SRGAP3: variants seen among roughly 807,000 people sequenced by gnomAD.
SRGAP3 encodes the protein SLIT-ROBO Rho GTPase-activating protein 3.
A neutral mutation model predicts 121.1 loss-of-function variants in SRGAP3; 39 were observed. The observed-to-expected ratio is 0.32, with a 90% CI of 0.25 to 0.42. The LOEUF (loss-of-function observed/expected upper bound fraction) is 0.42, where lower values mean the gene tolerates loss of function less well. Ranked by LOEUF, SRGAP3 falls within the 10% of genes least tolerant of loss-of-function variation. The pLI, the probability that SRGAP3 is intolerant of heterozygous loss-of-function variation, is 1.00. For missense variants in SRGAP3, 1,213 were observed against 1,470.6 expected (o/e 0.82, Z 2.86); for synonymous variants, 601 against 570.0 (o/e 1.05, Z -0.77).
chr3:9,256,664 T>C, intron 3 of SRGAP3: 2 of 395,556 alleles, frequency 5.1e-6, no homozygotes, highest in Non-Finnish European at 8.9e-6. Flanking sequence ...CCACTCCCCA[T>C]CCCTCATCCA....
chr3:8,992,434 C>G (rs1208781547), intron 20 of SRGAP3, among the ~76,000 whole-genome samples: 1 of 152,168 alleles, frequency 6.6e-6, no homozygotes, highest in African/African-American at 2.4e-5. Context: ...TAATACTGCT[C>G]CCTCCAAATA....
chr3:9,230,351 C>G (rs546673669), intron 1 of SRGAP3, among the ~76,000 whole-genome samples: 25 of 152,330 alleles, frequency 1.6e-4, no homozygotes, highest in African/African-American at 3.4e-4. Flanking sequence ...AGCCTGCCTT[C>G]CTTGGTTTCC....
intron 1 of SRGAP3, among the ~76,000 whole-genome samples, chr3:9,152,345 G>T (rs961997693): frequency 5.9e-5 from 9 of 152,226 alleles, no homozygotes; most frequent in Non-Finnish European, 1.3e-4. Context: ...GTGGAGATGG[G>T]AGAGGGTGTC....
chr3:9,152,254 A>G (rs762156017), intron 1 of SRGAP3, among the ~76,000 whole-genome samples: 6 of 152,230 alleles, frequency 3.9e-5, no homozygotes, highest in Non-Finnish European at 7.3e-5. Flanking sequence ...AAGGGGAAGT[A>G]TGGGTAGCCA....
At chr3:9,349,307 GCT>G (rs1332117313) in intron 1 of SRGAP3, 8 of 420,614 alleles carry the variant, frequency 1.9e-5, no homozygotes, top group Non-Finnish European at 2.7e-5. Context: ...TTGAGCTGTA[GCT>G]GCAGATGGGC....
intron 1 of SRGAP3, among the ~76,000 whole-genome samples, chr3:9,214,986 G>C (rs978893944): frequency 2.0e-5 from 3 of 151,924 alleles, no homozygotes; most frequent in Admixed American, 1.3e-4. Flanking sequence ...GTATTCCTGG[G>C]AGGATAAAGT....
intron 2 of SRGAP3, among the ~76,000 whole-genome samples, chr3:9,114,430 C>A (rs1269043718): frequency 6.6e-6 from 1 of 152,130 alleles, no homozygotes; most frequent in Non-Finnish European, 1.5e-5. Context: ...TGGTTTTTCT[C>A]CTCCATTACT....
At chr3:9,164,776 CCTCTACT>C (rs1186124922) in intron 1 of SRGAP3, among the ~76,000 whole-genome samples, 6 of 152,212 alleles carry the variant, frequency 3.9e-5, no homozygotes, top group Non-Finnish European at 7.3e-5. Context: ...CTTCAGATAG[CCTCTACT>C]ACTGTCGGCG....
At chr3:9,277,323 G>A (rs1954603731) in intron 3 of SRGAP3, among the ~76,000 whole-genome samples, 1 of 152,088 alleles carries the variant, frequency 6.6e-6, no homozygotes. Context: ...TACCAGGCCG[G>A]GCATGGTGGC....
At chr3:9,060,961 G>A (rs998004723) in intron 5 of SRGAP3, among the ~76,000 whole-genome samples, 14 of 152,206 alleles carry the variant, frequency 9.2e-5, no homozygotes, top group African/African-American at 3.4e-4. Flanking sequence ...TCCCTGGCCA[G>A]GAGCGTTGGC....
chr3:9,074,423 T>A (rs1287195884), intron 4 of SRGAP3, among the ~76,000 whole-genome samples: 1 of 152,196 alleles, frequency 6.6e-6, no homozygotes, highest in Non-Finnish European at 1.5e-5. Context: ...GCCTTCAAGT[T>A]AGGTCCAGCT....
chr3:9,021,232 G>A (rs1166418729), intron 14 of SRGAP3, among the ~76,000 whole-genome samples: 4 of 152,334 alleles, frequency 2.6e-5, no homozygotes, highest in East Asian at 1.9e-4. Context: ...CAAACCCTGC[G>A]TAGATATGCA....
chr3:9,108,207 TA>T (rs59553171), intron 2 of SRGAP3, among the ~76,000 whole-genome samples: 1 of 152,170 alleles, frequency 6.6e-6, no homozygotes, highest in South Asian at 2.1e-4. Flanking sequence ...GGGGAGCTTT[TA>T]AAAAAACACC....
chr3:9,270,224 TTGA>T (rs1162868707), intron 3 of SRGAP3, among the ~76,000 whole-genome samples: 1 of 152,212 alleles, frequency 6.6e-6, no homozygotes, highest in East Asian at 1.9e-4. Flanking sequence ...TTGTGTAATA[TTGA>T]TAATAAAAGT....
chr3:9,129,274 C>T (rs1472477413), intron 1 of SRGAP3, among the ~76,000 whole-genome samples: 1 of 139,416 alleles, frequency 7.2e-6, no homozygotes, highest in Non-Finnish European at 1.6e-5. Flanking sequence ...TGGTATTATA[C>T]ATAATGTTAC....
chr3:9,012,030 A>G (rs1377917110), intron 17 of SRGAP3, among the ~76,000 whole-genome samples: 3 of 152,206 alleles, frequency 2.0e-5, no homozygotes, highest in Non-Finnish European at 4.4e-5. Flanking sequence ...CTTTGTCCAG[A>G]AATTATGCTT....
At position 9,058,236 on chromosome 3, in the gene SRGAP3, CAGG is replaced by C. The variant is rs1015015098; in HGVS notation, c.1023+12_1023+14del. ...GGGAAGCAGCCCCAAGCCCGGGCTC[CAGG>C]AGGAAGCCTACCTCATCCCCCATGT... is the stretch of plus-strand genomic sequence containing the variant. On this transcript the variant is annotated intron_variant, in intron 7 of 21. Coordinates refer to ENST00000383836, the MANE Select transcript of SRGAP3 (RefSeq NM_014850.4). 1.7e-5 allele frequency: 27 copies of C among 1,613,688 alleles called. No homozygotes were observed. Among genetic ancestry groups the C allele is most frequent in the East Asian group, 8.9e-5 (4 of 44,874 alleles).
intron 20 of SRGAP3, chr3:8,992,604 G>A (rs1318123881): frequency 2.0e-6 from 1 of 492,860 alleles, no homozygotes; most frequent in Non-Finnish European, 3.7e-6. Flanking sequence ...ACTGGACACA[G>A]GTAGGAAAAA....
intron 1 of SRGAP3, among the ~76,000 whole-genome samples, chr3:9,201,822 G>C (rs1429401633): frequency 6.6e-6 from 1 of 152,184 alleles, no homozygotes; most frequent in African/African-American, 2.4e-5. Flanking sequence ...AAAGAGAAAG[G>C]AAAGACACCA....
Sources: gnomAD v4.1 joint callset for allele counts (sites outside exome capture counted in the v4.1 genomes callset) on GRCh38, gnomAD v4.1.1 for gene constraint, MANE v1.5 for transcripts, NCBI Gene and HGNC (gene_info 2026-07-23, HGNC 2026-07-21) for gene names.